Variants in TRAPPC10 observed in about 807,000 individuals in gnomAD.
TRAPPC10 encodes the protein trafficking protein particle complex subunit 10.
A neutral mutation model predicts 125.5 loss-of-function variants in TRAPPC10; 23 were observed. That is an observed-to-expected ratio of 0.18 (90% CI 0.13 to 0.26). The LOEUF (loss-of-function observed/expected upper bound fraction) is 0.26. Ranked by LOEUF, TRAPPC10 falls within the 10% of genes least tolerant of loss-of-function variation. The pLI is 1.00. For synonymous variants in TRAPPC10, 509 were observed against 518.0 expected (o/e 0.98, Z 0.24); for missense variants, 1,123 against 1,308.4 (o/e 0.86, Z 2.19).
chr21:44,094,033 G>A, intron 19 of TRAPPC10, 30 bp from the exon 20 acceptor site: 1 of 1,604,308 alleles, frequency 6.2e-7, no homozygotes, highest in South Asian at 1.1e-5. Flanking sequence ...ATGGTGCTGT[G>A]TGAGCAGTGA....
chr21:44,063,510 GCA>G lies in TRAPPC10; in HGVS notation c.791-26_791-25del. 6.2e-7 allele frequency: 1 copy of G among 1,609,748 alleles called. No individual in the cohort carries two copies. Among genetic ancestry groups the G allele is most frequent in the South Asian group, 1.1e-5 (1 of 90,486 alleles). On this transcript the variant is annotated intron_variant, in intron 6 of 22. Coordinates refer to ENST00000291574, the MANE Select transcript of TRAPPC10 (RefSeq NM_003274.5). This position sits in a 1 kb window ranked among gnomAD's most constrained non-coding sequence, Gnocchi z 4.4. ...CAGGAAGGTGAAGTACCTGCAATCA[GCA>G]CCTTTCATGATGTGTGTTTGTTTAG...
intron 18 of TRAPPC10, 67 bp from the exon 19 acceptor site, chr21:44,091,856 C>A: frequency 6.7e-7 from 1 of 1,500,742 alleles, no homozygotes; most frequent in Non-Finnish European, 9.1e-7. Context: ...GTCTCCTTAA[C>A]AAAGCTAAGA....
Position 44,027,653 on chromosome 21 carries a change from G to A in TRAPPC10, c.68-4438G>A, listed in dbSNP as rs79133589. 9.3e-3 allele frequency among the ~76,000 whole-genome samples: 1,409 copies of A among 152,260 alleles called. 35 individuals carry two copies. Among genetic ancestry groups the A allele is most frequent in the African/African-American group, 0.033 (1,357 of 41,544 alleles). On this transcript the variant is annotated intron_variant, in intron 1 of 22. Transcript: ENST00000291574. ...ATATGAGGGTTCAGGGTGAGTATGCGTGAAGTGCCGGGGGCATAGCAGGCG... is the reference window on the plus strand; with the variant it reads ...ATATGAGGGTTCAGGGTGAGTATGCATGAAGTGCCGGGGGCATAGCAGGCG...
At position 44,074,183 on chromosome 21, in the gene TRAPPC10, T is replaced by C. The variant is rs531426502; in HGVS notation, c.1039-141T>C. ...TTTGCCCCTTTCTCTCTCCTGTAGCTCTGCATATCACAGAACTGTTAGATG... is the reference window on the plus strand; with the variant it reads ...TTTGCCCCTTTCTCTCTCCTGTAGCCCTGCATATCACAGAACTGTTAGATG... On this transcript the variant is annotated intron_variant, in intron 7 of 22. Coordinates refer to ENST00000291574, the MANE Select transcript of TRAPPC10 (RefSeq NM_003274.5). 3 of 939,842 alleles carry C rather than the reference T, an allele frequency of 3.2e-6. No homozygotes were observed. The South Asian group carries it at 5.0e-5, about 16-fold the overall frequency. 58.2% of individuals were successfully genotyped at this position (939,842 alleles called of 1,614,324 possible).
intron 13 of TRAPPC10, among the ~76,000 whole-genome samples, chr21:44,081,017 CTT>C (rs67865929): frequency 0.011 from 1,052 of 97,156 alleles, 15 homozygotes; most frequent in African/African-American, 0.04. Context: ...TTTTTTTTTT[CTT>C]TTTTTTTTTT....
intron 3 of TRAPPC10, among the ~76,000 whole-genome samples, chr21:44,042,510 T>C (rs2034494575): frequency 6.6e-6 from 1 of 152,256 alleles, no homozygotes; most frequent in Non-Finnish European, 1.5e-5. Flanking sequence ...TTTATGAAAC[T>C]TATTTTTAAA....
At chr21:44,051,345 A>T (rs2035221503) in intron 3 of TRAPPC10, among the ~76,000 whole-genome samples, 1 of 152,204 alleles carries the variant, frequency 6.6e-6, no homozygotes, top group Admixed American at 6.5e-5. Flanking sequence ...ACTGATTTAG[A>T]TGGTAGCTGT....
chr21:44,037,073 C>G (rs577841600), intron 2 of TRAPPC10, among the ~76,000 whole-genome samples: 89 of 152,266 alleles, frequency 5.8e-4, no homozygotes, highest in Non-Finnish European at 1.1e-3. Context: ...ACACAGCACC[C>G]TTAGATCGGA....
intron 3 of TRAPPC10, among the ~76,000 whole-genome samples, chr21:44,043,937 A>AC (rs2145772026): frequency 6.6e-6 from 1 of 152,330 alleles, no homozygotes; most frequent in Non-Finnish European, 1.5e-5. Context: ...TCAACACGCC[A>AC]CTGACACCAG....
chr21:44,090,264 C>T (rs907321049), intron 18 of TRAPPC10, among the ~76,000 whole-genome samples: 2 of 152,106 alleles, frequency 1.3e-5, no homozygotes, highest in African/African-American at 4.8e-5. Flanking sequence ...CAGGTTTCCT[C>T]TGGACGCCCG....
rs1483935324 is a variant in TRAPPC10, at chr21:44,083,162, C to T, written c.2098C>T (p.His700Tyr). The stretch of plus-strand genomic sequence containing the variant: ...GACTGGGATTATCTGCAGAAACGTC[C>T]ACATGCTCCTGAGAAGGCAGGAGAG... ...NTTGIICRNV[H>Y]MLLRRQESSS... The change falls in exon 14 of 23, where the codon CAC becomes TAC. Residue 700 changes from histidine to tyrosine, a missense_variant. Physicochemically the swap from His to Tyr is moderately conservative, Grantham distance 83 (BLOSUM62 2). This residue lies in a region of TRAPPC10 where 840 missense variants were observed against 902.0 expected (regional missense o/e 0.93). Transcript: ENST00000291574. 6.2e-7 allele frequency: 1 copy of T among 1,614,184 alleles called. No individual in the cohort carries two copies. Among genetic ancestry groups the T allele is most frequent in the Admixed American group, 1.7e-5 (1 of 60,012 alleles).
In TRAPPC10 at chr21:44,028,935, G is replaced by A. The variant is rs1198442421; in HGVS notation, c.68-3156G>A. 3.3e-5 allele frequency among the ~76,000 whole-genome samples: 5 copies of A among 152,158 alleles called. No individual in the cohort carries two copies. In the East Asian group the frequency reaches 5.8e-4, roughly 18 times the overall value. Reference sequence around the variant, plus strand: ...TTTAGCCTGGAACGTGCTCTGCCTCGCAGTTCAGCCCGCAGAGCTCTAGTG... The same window carrying A: ...TTTAGCCTGGAACGTGCTCTGCCTCACAGTTCAGCCCGCAGAGCTCTAGTG... On this transcript the variant is annotated intron_variant, in intron 1 of 22. Transcript: ENST00000291574.
At chr21:44,093,196 C>T (rs769574656) in intron 19 of TRAPPC10, among the ~76,000 whole-genome samples, 91 of 152,220 alleles carry the variant, frequency 6.0e-4, no homozygotes, top group Non-Finnish European at 1.2e-3. Context: ...TGGTGGCTCA[C>T]ACCTGTGATC....
chr21:44,073,397 T>C (rs1292564841), intron 7 of TRAPPC10, among the ~76,000 whole-genome samples: 1 of 152,208 alleles, frequency 6.6e-6, no homozygotes, highest in East Asian at 1.9e-4. Context: ...AGAGAAAAAG[T>C]CAGCATTGCC....
chr21:44,027,650 T>C (rs979266069), intron 1 of TRAPPC10, among the ~76,000 whole-genome samples: 3 of 152,178 alleles, frequency 2.0e-5, no homozygotes, highest in Non-Finnish European at 4.4e-5. Context: ...AGGGTGAGTA[T>C]GCGTGAAGTG....
Position 44,032,084 on chromosome 21 carries a change from T to G in TRAPPC10, c.68-7T>G. Reference sequence around the variant, plus strand: ...ATGGTAACTGAATTTCTTTCTTCCCTTCATAGGTGCTGGAGATCAGAATTT... The same window carrying G: ...ATGGTAACTGAATTTCTTTCTTCCCGTCATAGGTGCTGGAGATCAGAATTT... On this transcript the variant is annotated splice_polypyrimidine_tract_variant and splice_region_variant and intron_variant, in intron 1 of 22. Coordinates refer to ENST00000291574, the MANE Select transcript of TRAPPC10 (RefSeq NM_003274.5). The G allele has an allele frequency of 9.9e-6, 16 of 1,610,630 alleles. No homozygotes were observed. The highest frequency in any genetic ancestry group is 1.4e-5 in the Non-Finnish European group (16 of 1,178,244).
At chr21:44,092,897 A>C (rs995722457) in intron 19 of TRAPPC10, among the ~76,000 whole-genome samples, 1 of 152,068 alleles carries the variant, frequency 6.6e-6, no homozygotes, top group Non-Finnish European at 1.5e-5. Context: ...CCTGGGTTCA[A>C]GCGATTCTCC....
intron 3 of TRAPPC10, among the ~76,000 whole-genome samples, chr21:44,039,401 T>C (rs1172365997): frequency 6.6e-6 from 1 of 152,196 alleles, no homozygotes; most frequent in African/African-American, 2.4e-5. Context: ...TTCTAATCAT[T>C]TGAGGCATAC....
chr21:44,018,429 A>G (rs1357604313), intron 1 of TRAPPC10, among the ~76,000 whole-genome samples: 2 of 152,192 alleles, frequency 1.3e-5, no homozygotes, highest in East Asian at 1.9e-4. Context: ...GGCTGGGCGC[A>G]GTGACTCATG....
Sources: gnomAD v4.1 joint callset for allele counts (sites outside exome capture counted in the v4.1 genomes callset) on GRCh38, gnomAD v4.1.1 for gene constraint, gnomAD v4.1.1 regional missense constraint, Gnocchi (gnomAD v3.1) non-coding constraint, MANE v1.5 for transcripts, NCBI Gene and HGNC (gene_info 2026-07-23, HGNC 2026-07-21) for gene names.